NXPH1: variants seen among roughly 807,000 people sequenced by gnomAD.
NXPH1 encodes the protein neurexophilin 1, also known as neurexophilin-1.
In NXPH1, 5 loss-of-function variants were observed where a neutral mutation model predicts 23.7. That is an observed-to-expected ratio of 0.21 (90% CI 0.11 to 0.44). The LOEUF (loss-of-function observed/expected upper bound fraction) is 0.44, where lower values mean the gene tolerates loss of function less well. Among genes scored for constraint, NXPH1 ranks in the 20% least tolerant of loss-of-function variants. The pLI, the probability that NXPH1 is intolerant of heterozygous loss-of-function variation, is 0.99. For synonymous variants in NXPH1, 144 were observed against 122.2 expected (o/e 1.18, Z -1.18); for missense variants, 324 against 321.6 (o/e 1.01, Z -0.06).
chr7:8,537,019 T>C (rs979510169), intron 2 of NXPH1, among the ~76,000 whole-genome samples: 35 of 152,000 alleles, frequency 2.3e-4, no homozygotes, highest in Admixed American at 9.8e-4. Context: ...TGTTCTGGGC[T>C]AAGACTACAA....
intron 2 of NXPH1, among the ~76,000 whole-genome samples, chr7:8,508,961 C>A (rs1817571692): frequency 6.6e-6 from 1 of 152,076 alleles, no homozygotes; most frequent in African/African-American, 2.4e-5. Context: ...AACACAATTT[C>A]TTGTGGCATA....
intron 2 of NXPH1, among the ~76,000 whole-genome samples, chr7:8,439,431 C>A (rs1816253866): frequency 6.6e-6 from 1 of 152,120 alleles, no homozygotes; most frequent in Non-Finnish European, 1.5e-5. Context: ...TGAGCACTTT[C>A]TGAGCATGCT....
At chr7:8,511,602 G>T (rs1422252662) in intron 2 of NXPH1, among the ~76,000 whole-genome samples, 1 of 152,102 alleles carries the variant, frequency 6.6e-6, no homozygotes, top group Non-Finnish European at 1.5e-5. Flanking sequence ...GCTGCACATT[G>T]TACCCAAAGG....
intron 2 of NXPH1, among the ~76,000 whole-genome samples, chr7:8,640,134 C>G (rs1468596530): frequency 6.6e-6 from 1 of 152,070 alleles, no homozygotes; most frequent in African/African-American, 2.4e-5. Context: ...TTGTTTTACT[C>G]CATAGGAATT....
intron 2 of NXPH1, among the ~76,000 whole-genome samples, chr7:8,749,957 A>G (rs1271850436): frequency 6.6e-6 from 1 of 152,128 alleles, no homozygotes; most frequent in African/African-American, 2.4e-5. Flanking sequence ...TTCGAAATAC[A>G]ATTCTTTCCT....
chr7:8,504,420 T>TCATAAGA (rs1462746797), intron 2 of NXPH1, among the ~76,000 whole-genome samples: 1 of 152,032 alleles, frequency 6.6e-6, no homozygotes, highest in Non-Finnish European at 1.5e-5. Flanking sequence ...TCAGTCAAGT[T>TCATAAGA]CATAAGACTC....
At chr7:8,635,744 A>G (rs1210289228) in intron 2 of NXPH1, among the ~76,000 whole-genome samples, 1 of 152,172 alleles carries the variant, frequency 6.6e-6, no homozygotes, top group Non-Finnish European at 1.5e-5. Context: ...TCTTGGAAGC[A>G]TTTACGTCTT....
At chr7:8,455,123 G>A (rs1041408163) in intron 2 of NXPH1, among the ~76,000 whole-genome samples, 4 of 151,966 alleles carry the variant, frequency 2.6e-5, no homozygotes, top group Admixed American at 6.6e-5. Context: ...CGTATGCCAC[G>A]CCATTATTTT....
intron 2 of NXPH1, among the ~76,000 whole-genome samples, chr7:8,669,876 C>G (rs920185527): frequency 6.6e-6 from 1 of 152,112 alleles, no homozygotes; most frequent in Non-Finnish European, 1.5e-5. Context: ...TCACCTGTTT[C>G]CTTAGCTCTT....
At position 8,467,806 on chromosome 7, in the gene NXPH1, A is replaced by T. The variant is rs139148590; in HGVS notation, c.54+32039A>T. ...ATTTAAAGTGAGTAATCATGAATACACATTTCCTTAGAAGAAAGGAGTTAT... is the reference window on the plus strand; with the variant it reads ...ATTTAAAGTGAGTAATCATGAATACTCATTTCCTTAGAAGAAAGGAGTTAT... On this transcript the variant is annotated intron_variant, in intron 2 of 2. Transcript: ENST00000405863. 2.2e-4 allele frequency among the ~76,000 whole-genome samples: 34 copies of T among 152,286 alleles called. No homozygotes were observed. The East Asian group carries it at 6.6e-3, about 29-fold the overall frequency.
chr7:8,627,786 G>A (rs937492301), intron 2 of NXPH1, among the ~76,000 whole-genome samples: 3 of 152,014 alleles, frequency 2.0e-5, no homozygotes, highest in African/African-American at 4.8e-5. Flanking sequence ...GCTAGAGAGT[G>A]TATTCAAATC....
At chr7:8,604,809 T>A (rs977856794) in intron 2 of NXPH1, among the ~76,000 whole-genome samples, 2 of 152,160 alleles carry the variant, frequency 1.3e-5, no homozygotes, top group Non-Finnish European at 2.9e-5. Flanking sequence ...CTTACAAATT[T>A]GTGGCTGGTC....
At chr7:8,575,828 A>G (rs1818744646) in intron 2 of NXPH1, among the ~76,000 whole-genome samples, 2 of 151,516 alleles carry the variant, frequency 1.3e-5, no homozygotes, top group South Asian at 2.1e-4. Flanking sequence ...GGCCCATTTT[A>G]TGGATACTGG....
chr7:8,435,966 C>T lies in NXPH1; in HGVS notation c.54+199C>T, dbSNP rs968829809. On this transcript the variant is annotated intron_variant, in intron 2 of 2. Coordinates refer to ENST00000405863, the MANE Select transcript of NXPH1 (RefSeq NM_152745.3). This position sits in a 1 kb window ranked among gnomAD's most constrained non-coding sequence, Gnocchi z 5.9. ...TTCCCACCCCATTTTCTGCTCCAAT[C>T]CCCCAGTCTCCTGCGCGTGATTCTT... 1.3e-5 allele frequency among the ~76,000 whole-genome samples: 2 copies of T among 152,176 alleles called. No homozygotes were observed. Among genetic ancestry groups the T allele is most frequent in the Admixed American group, 1.3e-4 (2 of 15,284 alleles).
intron 2 of NXPH1, among the ~76,000 whole-genome samples, chr7:8,617,114 C>G (rs1015217492): frequency 6.6e-6 from 1 of 152,070 alleles, no homozygotes; most frequent in African/African-American, 2.4e-5. Context: ...CTACTGGCAT[C>G]TATTGAGTAG....
chr7:8,458,317 A>G lies in NXPH1; in HGVS notation c.54+22550A>G, dbSNP rs184059315. Among the ~76,000 whole-genome samples the G allele has an allele frequency of 3.3e-5, 5 of 152,340 alleles. No individual in the cohort carries two copies. In the East Asian group the frequency reaches 9.6e-4, roughly 29 times the overall value. On this transcript the variant is annotated intron_variant, in intron 2 of 2. Coordinates refer to ENST00000405863, the MANE Select transcript of NXPH1 (RefSeq NM_152745.3). ...TAACCTCTTTCTAAGTGGGGGAAGG[A>G]AACAACCCACAGATTCATGCTGTGG...
At chr7:8,703,653 TG>T (rs923608835) in intron 2 of NXPH1, among the ~76,000 whole-genome samples, 1 of 152,108 alleles carries the variant, frequency 6.6e-6, no homozygotes, top group Non-Finnish European at 1.5e-5. Flanking sequence ...AGGGATTAAA[TG>T]GGTGGGATAG....
At chr7:8,743,808 C>A (rs575193185) in intron 2 of NXPH1, among the ~76,000 whole-genome samples, 2 of 151,990 alleles carry the variant, frequency 1.3e-5, no homozygotes, top group South Asian at 2.1e-4. Context: ...CTCAGCCTCC[C>A]GAGTAGCTGG....
chr7:8,457,633 A>G (rs973018686), intron 2 of NXPH1, among the ~76,000 whole-genome samples: 3 of 151,358 alleles, frequency 2.0e-5, no homozygotes, highest in Admixed American at 6.6e-5. Context: ...GGTCTCATAT[A>G]GCTCCTGGCA....
Sources: gnomAD v4.1 joint callset for allele counts (sites outside exome capture counted in the v4.1 genomes callset) on GRCh38, gnomAD v4.1.1 for gene constraint, Gnocchi (gnomAD v3.1) non-coding constraint, MANE v1.5 for transcripts, NCBI Gene and HGNC (gene_info 2026-07-23, HGNC 2026-07-21) for gene names.